The following RIMBP2 variants were observed in gnomAD, a reference collection of about 807,000 sequenced individuals.
The protein encoded by RIMBP2 is RIMS-binding protein 2.
A neutral mutation model predicts 118.6 loss-of-function variants in RIMBP2; 48 were observed. The observed-to-expected ratio is 0.40, with a 90% CI of 0.32 to 0.51. The LOEUF is 0.51. Among genes scored for constraint, RIMBP2 ranks in the 20% least tolerant of loss-of-function variants. The probability of loss-of-function intolerance (pLI) is 0.41; values close to 1 mark genes in which losing one functional copy is unlikely to be tolerated. For missense variants in RIMBP2, 1,551 were observed against 1,768.3 expected (o/e 0.88, Z 2.20); for synonymous variants, 762 against 742.9 (o/e 1.03, Z -0.42).
intron 5 of RIMBP2, among the ~76,000 whole-genome samples, chr12:130,474,609 G>A (rs1043726603): frequency 2.6e-5 from 4 of 152,246 alleles, no homozygotes; most frequent in Non-Finnish European, 5.9e-5. Flanking sequence ...CGTCTGGTCT[G>A]AGGGAGACTC....
intron 1 of RIMBP2, among the ~76,000 whole-genome samples, chr12:130,674,831 C>T (rs1180387110): frequency 6.6e-6 from 1 of 152,028 alleles, no homozygotes; most frequent in Non-Finnish European, 1.5e-5. Context: ...TTCGCCTGCT[C>T]GGGACGGGTC....
chr12:130,423,234 AG>A (rs2076526485), intron 16 of RIMBP2, among the ~76,000 whole-genome samples: 1 of 152,200 alleles, frequency 6.6e-6, no homozygotes, highest in African/African-American at 2.4e-5. Flanking sequence ...GGAAGTTCTC[AG>A]GAACACAGGC....
At chr12:130,490,373 G>A (rs2048527225) in intron 4 of RIMBP2, among the ~76,000 whole-genome samples, 1 of 152,068 alleles carries the variant, frequency 6.6e-6, no homozygotes, top group Non-Finnish European at 1.5e-5. Context: ...CTACAATTTA[G>A]CTTGGATTTT....
At chr12:130,412,356 A>C (rs1048538953) in intron 19 of RIMBP2, among the ~76,000 whole-genome samples, 2 of 152,198 alleles carry the variant, frequency 1.3e-5, no homozygotes, top group Non-Finnish European at 2.9e-5. Flanking sequence ...TTTGCAAGCA[A>C]GACGGTACTT....
chr12:130,484,077 C>T (rs904274357), intron 4 of RIMBP2, among the ~76,000 whole-genome samples: 1 of 152,214 alleles, frequency 6.6e-6, no homozygotes, highest in Non-Finnish European at 1.5e-5. Context: ...GGCGAAACAT[C>T]TCTCCAGAGT....
intron 2 of RIMBP2, among the ~76,000 whole-genome samples, chr12:130,600,187 C>A (rs1411530822): frequency 6.6e-6 from 1 of 152,222 alleles, no homozygotes; most frequent in Non-Finnish European, 1.5e-5. Context: ...GTTGTCAGGA[C>A]TGACAGAGCA....
In RIMBP2 at chr12:130,409,332, CTTTTTTT is replaced by C. The variant is rs35015661; in HGVS notation, c.3590-1510_3590-1504del. 4.7e-3 allele frequency among the ~76,000 whole-genome samples: 309 copies of C among 65,362 alleles called. 1 individual carries two copies. Among genetic ancestry groups the C allele is most frequent in the East Asian group, 0.014 (28 of 1,938 alleles). The allele number at this position is 65,362 out of a possible 152,430, so 42.9% of individuals were successfully genotyped here. A position where few individuals can be genotyped will look rare whatever the true frequency, so the allele number is the denominator to read the frequency against. On this transcript the variant is annotated intron_variant, in intron 19 of 22. Transcript: ENST00000690449. ...TAAAAGGGACTCATACAAAATGTAG[CTTTTTTT>C]TTTTTTTTTTTTTTTTTTTTTGAGA...
At chr12:130,457,206 C>T (rs578140769) in intron 6 of RIMBP2, among the ~76,000 whole-genome samples, 16 of 152,318 alleles carry the variant, frequency 1.1e-4, no homozygotes, top group Admixed American at 9.1e-4. Flanking sequence ...TCATCCAGGG[C>T]GCCCGCCCCC....
chr12:130,494,666 G>A (rs201664570), intron 4 of RIMBP2, among the ~76,000 whole-genome samples: 1 of 147,728 alleles, frequency 6.8e-6, no homozygotes, highest in Admixed American at 6.7e-5. Context: ...GAAAAGAAAA[G>A]AAAGAGCAAA....
At chr12:130,527,970 A>C (rs989959318) in intron 2 of RIMBP2, among the ~76,000 whole-genome samples, 1 of 152,208 alleles carries the variant, frequency 6.6e-6, no homozygotes, top group Non-Finnish European at 1.5e-5. Context: ...GCTGTGGAGA[A>C]ATACAAACAC....
intron 2 of RIMBP2, among the ~76,000 whole-genome samples, chr12:130,538,687 A>G (rs1256020156): frequency 6.6e-6 from 1 of 152,168 alleles, no homozygotes; most frequent in Admixed American, 6.5e-5. Context: ...ATTTGCATCA[A>G]TAGAGCGAGT....
intron 1 of RIMBP2, chr12:130,669,109 C>T (rs2136431048): frequency 6.6e-6 from 1 of 152,420 alleles, no homozygotes; most frequent in African/African-American, 2.4e-5. Flanking sequence ...CTTACAGAGA[C>T]CAGCGGGAAG....
chr12:130,432,657 C>T (rs566050855), intron 14 of RIMBP2, among the ~76,000 whole-genome samples: 11 of 152,274 alleles, frequency 7.2e-5, no homozygotes, highest in South Asian at 2.1e-4. Flanking sequence ...GAAAAGGCCA[C>T]GTGAGGACTC....
At chr12:130,436,017 G>A (rs1165749746) in intron 13 of RIMBP2, among the ~76,000 whole-genome samples, 2 of 152,236 alleles carry the variant, frequency 1.3e-5, no homozygotes, top group East Asian at 3.9e-4. Context: ...TGACCCAGCA[G>A]GGCCGAGGGT....
At chr12:130,474,345 G>GA (rs1259885306) in intron 5 of RIMBP2, among the ~76,000 whole-genome samples, 1 of 152,204 alleles carries the variant, frequency 6.6e-6, no homozygotes, top group Non-Finnish European at 1.5e-5. Context: ...GCGGGATTTT[G>GA]ACCCTACTGC....
chr12:130,499,077 G>T (rs566180515), intron 4 of RIMBP2, among the ~76,000 whole-genome samples: 18 of 152,316 alleles, frequency 1.2e-4, no homozygotes, highest in African/African-American at 4.3e-4. Context: ...GAAGGCAAAG[G>T]AAACGCAGGC....
At chr12:130,549,606 G>A (rs554200179) in intron 2 of RIMBP2, among the ~76,000 whole-genome samples, 12 of 152,308 alleles carry the variant, frequency 7.9e-5, no homozygotes, top group Non-Finnish European at 1.5e-4. Context: ...AGAACATGCA[G>A]TATTTGGTTT....
At chr12:130,680,849 G>A (rs2064750227) in intron 1 of RIMBP2, among the ~76,000 whole-genome samples, 1 of 152,158 alleles carries the variant, frequency 6.6e-6, no homozygotes, top group African/African-American at 2.4e-5. Flanking sequence ...GAGGAGGACA[G>A]TTCCCGCCAC....
At chr12:130,603,694 G>A (rs1276760524) in intron 2 of RIMBP2, among the ~76,000 whole-genome samples, 2 of 152,098 alleles carry the variant, frequency 1.3e-5, no homozygotes, top group Non-Finnish European at 2.9e-5. Flanking sequence ...AGAGGTGAAA[G>A]CTCGCTGTAG....
Sources: allele counts gnomAD v4.1 joint callset (sites outside exome capture counted in the v4.1 genomes callset), GRCh38; gene constraint gnomAD v4.1.1; transcripts MANE v1.5; gene names NCBI Gene and HGNC (gene_info 2026-07-23, HGNC 2026-07-21).